NXPE1: variants seen among roughly 807,000 people sequenced by gnomAD.
NXPE1 encodes the protein neurexophilin and PC-esterase domain family member 1, also known as NXPE family member 1.
Under a neutral mutation model 33.3 loss-of-function variants are expected in NXPE1, and 31 were observed. That is an observed-to-expected ratio of 0.93 (90% CI 0.70 to 1.26). The LOEUF is 1.26. NXPE1 is among the 50% of genes most tolerant of loss of function. NXPE1 has a pLI of 0.00. For synonymous variants in NXPE1, 229 were observed against 231.4 expected (o/e 0.99, Z 0.09); for missense variants, 661 against 655.6 (o/e 1.01, Z -0.09).
At chr11:114,527,426 C>T (rs1947402692) in intron 7 of NXPE1, among the ~76,000 whole-genome samples, 1 of 152,116 alleles carries the variant, frequency 6.6e-6, no homozygotes. Context: ...GTCTTTAAAA[C>T]ATATAATCAG....
chr11:114,520,529 T>C (rs866809660), downstream of NXPE1, among the ~76,000 whole-genome samples: 3 of 152,252 alleles, frequency 2.0e-5, no homozygotes, highest in South Asian at 4.1e-4. Flanking sequence ...TGGGCACTTA[T>C]GTTGTTTCTC....
intron 3 of NXPE1, among the ~76,000 whole-genome samples, 180 bp downstream of exon 3, chr11:114,551,794 G>A (rs1948494990): frequency 6.6e-6 from 1 of 152,120 alleles, no homozygotes; most frequent in African/African-American, 2.4e-5. Context: ...CACTGTGTGA[G>A]GAAGGGGGAA....
At chr11:114,548,792 T>C (rs1948365022) in intron 5 of NXPE1, among the ~76,000 whole-genome samples, 1 of 151,508 alleles carries the variant, frequency 6.6e-6, no homozygotes, top group African/African-American at 2.4e-5. Flanking sequence ...AAGGTAGGAA[T>C]TGATAGGAAG....
At chr11:114,552,829 T>C (rs78082217) in intron 2 of NXPE1, 23 bp downstream of exon 2, 1 of 944,316 alleles carries the variant, frequency 1.1e-6, no homozygotes, top group Non-Finnish European at 1.3e-6. Context: ...TTAAACTTAT[T>C]CTGTAAAATA....
rs991117972 is a variant in NXPE1 at position 114,550,641 on chromosome 11, A to G, written c.99+462T>C. On this transcript the variant is annotated intron_variant, in intron 5 of 8. Coordinates refer to ENST00000534921, the Ensembl canonical transcript of NXPE1. ...AAAAAATAAGAAAACATGGATGAAT[A>G]CCTGTATAATCTTTGAGCGGGAAAA... Among the ~76,000 whole-genome samples, 52 of 152,326 alleles carry G rather than the reference A, an allele frequency of 3.4e-4. 1 individual carries two copies. The highest frequency in any genetic ancestry group is 5.6e-4 in the Non-Finnish European group (38 of 68,030).
intron 5 of NXPE1, among the ~76,000 whole-genome samples, chr11:114,547,010 T>C (rs1241848090): frequency 6.6e-6 from 1 of 152,194 alleles, no homozygotes; most frequent in African/African-American, 2.4e-5. Flanking sequence ...ACAAATCTCT[T>C]GTACAGAAGA....
At chr11:114,534,499 G>A (rs1199584079) in intron 5 of NXPE1, among the ~76,000 whole-genome samples, 1 of 152,170 alleles carries the variant, frequency 6.6e-6, no homozygotes, top group South Asian at 2.1e-4. Context: ...GCTAAAGGAG[G>A]AAGTTCGAAT....
rs149208653 is a variant in NXPE1, at chr11:114,546,425, C to T, written c.99+4678G>A. 3.0e-3 allele frequency among the ~76,000 whole-genome samples: 455 copies of T among 151,552 alleles called. 1 individual carries two copies. The highest frequency in any genetic ancestry group is 0.01 in the African/African-American group (432 of 41,384). On this transcript the variant is annotated intron_variant, in intron 5 of 8. Coordinates refer to ENST00000534921, the Ensembl canonical transcript of NXPE1. The stretch of plus-strand genomic sequence containing the variant: ...TATTTTACATATAATTATAGATATG[C>T]ATGTATTACTGGCTAGTATCATACA...
intron 5 of NXPE1, among the ~76,000 whole-genome samples, chr11:114,534,336 A>C (rs1947710245): frequency 6.6e-6 from 1 of 152,212 alleles, no homozygotes; most frequent in South Asian, 2.1e-4. Context: ...AGATGGGGAA[A>C]AAACAGAGCA....
At chr11:114,530,124 T>C in intron 6 of NXPE1, 51 bp downstream of exon 6, 2 of 1,528,858 alleles carry the variant, frequency 1.3e-6, no homozygotes, top group Non-Finnish European at 1.8e-6. Flanking sequence ...TAGCTCTGAC[T>C]GGGGCACTTC....
chr11:114,555,103 G>T (rs532378062), intron 1 of NXPE1, among the ~76,000 whole-genome samples: 2 of 149,888 alleles, frequency 1.3e-5, no homozygotes, highest in African/African-American at 2.5e-5. Flanking sequence ...TCTTCAATTT[G>T]TGGTTCTTTT....
downstream of NXPE1, among the ~76,000 whole-genome samples, chr11:114,519,928 G>A (rs1947171937): frequency 8.8e-6 from 1 of 113,536 alleles, no homozygotes; most frequent in South Asian, 2.8e-4. Flanking sequence ...GTCTCGCTCT[G>A]TAGCCCAGTC....
At chr11:114,522,045 A>G in exon 9 of NXPE1, 1 of 1,613,882 alleles carries the variant, frequency 6.2e-7, no homozygotes, top group South Asian at 1.1e-5. Flanking sequence ...TCAGTGCCAT[A>G]TGCAATGGTC....
intron 6 of NXPE1, chr11:114,528,919 A>C: frequency 3.7e-6 from 2 of 533,858 alleles, no homozygotes; most frequent in Non-Finnish European, 3.5e-6. Context: ...ATTTGATGAG[A>C]TGTACCATCA....
chr11:114,528,333 T>C lies in NXPE1; in HGVS notation c.834-432A>G, dbSNP rs1455648. On this transcript the variant is annotated intron_variant, in intron 6 of 8. Transcript: ENST00000534921. ...CGACTGCCAGAGCACCCTTTCTCATTGCAAATCCAACTGCACTACTGCTTA... is the reference window on the plus strand; with the variant it reads ...CGACTGCCAGAGCACCCTTTCTCATCGCAAATCCAACTGCACTACTGCTTA... Among the ~76,000 whole-genome samples, 7 of 152,296 alleles carry C rather than the reference T, an allele frequency of 4.6e-5. No homozygotes were observed. In the South Asian group the frequency reaches 1.5e-3, roughly 32 times the overall value.
chr11:114,551,509 CAT>C (rs1392718274), intron 3 of NXPE1, 68 bp from the exon 4 acceptor site: 2 of 702,522 alleles, frequency 2.8e-6, no homozygotes, highest in African/African-American at 1.9e-5. Context: ...AGTTACAAGA[CAT>C]AACAATTACA....
chr11:114,543,225 G>A (rs938598987), intron 5 of NXPE1, among the ~76,000 whole-genome samples: 4 of 152,074 alleles, frequency 2.6e-5, no homozygotes, highest in Admixed American at 6.6e-5. Context: ...GCATGGTGGC[G>A]GGCAGCTGTA....
At chr11:114,538,176 G>A (rs1372922412) in intron 5 of NXPE1, among the ~76,000 whole-genome samples, 3 of 152,122 alleles carry the variant, frequency 2.0e-5, no homozygotes, top group African/African-American at 7.2e-5. Context: ...GAAGAAATGG[G>A]GAAAGGATTC....
At chr11:114,522,273 T>G (rs763324761) in exon 9 of NXPE1, 1 of 1,614,050 alleles carries the variant, frequency 6.2e-7, no homozygotes, top group South Asian at 1.1e-5. Context: ...AAAATGTCAA[T>G]GGGAAATGGT....
Sources: gnomAD v4.1 joint callset for allele counts (sites outside exome capture counted in the v4.1 genomes callset) on GRCh38, gnomAD v4.1.1 for gene constraint, MANE v1.5 for transcripts, NCBI Gene and HGNC (gene_info 2026-07-23, HGNC 2026-07-21) for gene names.